The following ARHGEF11 variants were observed in gnomAD, a reference collection of about 807,000 sequenced individuals.
ARHGEF11 encodes Rho guanine nucleotide exchange factor 11, also known as Rho guanine exchange factor (GEF) 11.
A neutral mutation model predicts 193.7 loss-of-function variants in ARHGEF11; 55 were observed. The observed-to-expected ratio is 0.28, with a 90% CI of 0.23 to 0.36. ARHGEF11 has a LOEUF of 0.36. ARHGEF11 is among the 10% of genes least tolerant of loss of function. The pLI is 1.00. For missense variants in ARHGEF11, 1,723 were observed against 2,005.6 expected, an observed-to-expected ratio of 0.86 and a Z score of 2.69; for synonymous variants, 693 against 768.0, an observed-to-expected ratio of 0.90 and a Z score of 1.62.
At chr1:156,996,153 C>A (rs371045546) in intron 1 of ARHGEF11, among the ~76,000 whole-genome samples, 2 of 152,220 alleles carry the variant, frequency 1.3e-5, no homozygotes, top group East Asian at 3.9e-4. Flanking sequence ...TGGACTTAGG[C>A]GGAGAGTACC....
At chr1:156,999,594 C>A (rs1666963361) in intron 1 of ARHGEF11, among the ~76,000 whole-genome samples, 1 of 152,158 alleles carries the variant, frequency 6.6e-6, no homozygotes, top group African/African-American at 2.4e-5. Flanking sequence ...ACAACAGACA[C>A]CATCACCAAC....
Position 156,941,727 on chromosome 1 carries a change from C to T in ARHGEF11, c.3452+137G>A, listed in dbSNP as rs1656994937. 3.0e-6 allele frequency: 4 copies of T among 1,313,892 alleles called. No homozygotes were observed. In the Admixed American group the frequency reaches 9.0e-5, roughly 29 times the overall value. 81.4% of individuals were successfully genotyped at this position (1,313,892 alleles called of 1,614,324 possible). ...GGGGGCATGTTCCTCCATCTGCCAG[C>T]ACTTGGAGCTGTCTGCTCCCTGCTA... is the stretch of plus-strand genomic sequence containing the variant. On this transcript the variant is annotated intron_variant, in intron 34 of 40. Coordinates refer to ENST00000368194, the MANE Select transcript of ARHGEF11 (RefSeq NM_198236.3).
intron 1 of ARHGEF11, among the ~76,000 whole-genome samples, chr1:157,018,210 T>C: frequency 6.6e-6 from 1 of 152,164 alleles, no homozygotes; most frequent in South Asian, 2.1e-4. Flanking sequence ...AAATACATGG[T>C]ATTTATAGAC....
chr1:157,005,840 C>T (rs1301326557), intron 1 of ARHGEF11, among the ~76,000 whole-genome samples: 1 of 152,180 alleles, frequency 6.6e-6, no homozygotes, highest in African/African-American at 2.4e-5. Context: ...TTAAAGGGCA[C>T]TTGTTTTGAC....
intron 28 of ARHGEF11, among the ~76,000 whole-genome samples, 196 bp downstream of exon 28, chr1:156,946,466 C>T (rs1412798080): frequency 6.6e-6 from 1 of 152,216 alleles, no homozygotes. Context: ...AGGCCTCTGA[C>T]TGCTAATCCA....
At chr1:156,955,001 C>A in intron 20 of ARHGEF11, 80 bp from the exon 21 acceptor site, 1 of 1,309,360 alleles carries the variant, frequency 7.6e-7, no homozygotes, top group South Asian at 1.3e-5. Context: ...AAAATTACAT[C>A]AAGCCAAAAA....
intron 21 of ARHGEF11, among the ~76,000 whole-genome samples, chr1:156,954,380 C>CAAAAAAAAAAAAAAAAAAAAAA (rs559848711): frequency 1.3e-5 from 1 of 75,148 alleles, no homozygotes; most frequent in Non-Finnish European, 2.5e-5. Flanking sequence ...ACTGTGTCTC[C>CAAAAAAAAAAAAAAAAAAAAAA]AAAAAAAAAA....
Position 156,936,935 on chromosome 1 carries a change from A to G in ARHGEF11, c.4511T>C (p.Val1504Ala). 1 of 1,613,968 alleles carries G rather than the reference A, an allele frequency of 6.2e-7. No individual in the cohort carries two copies. The highest frequency in any genetic ancestry group is 1.3e-5 in the African/African-American group (1 of 74,972). ...GGESSGGTTP[V>A]GSFHTEAARW... ...AGCTGCTTCTGTGTGGAAACTGCCC[A>G]CAGGCGTGGTGCCACCAGATGACTC... is the stretch of plus-strand genomic sequence containing the variant. The change falls in exon 40 of 41, where the codon GTG becomes GCG. Residue 1504 changes from valine to alanine, a missense_variant. Transcript: ENST00000368194.
chr1:157,043,226 C>T (rs1672972359), intron 1 of ARHGEF11, among the ~76,000 whole-genome samples: 1 of 152,186 alleles, frequency 6.6e-6, no homozygotes, highest in Non-Finnish European at 1.5e-5. Context: ...AATATTCTTC[C>T]CTATCTCTCC....
At chr1:156,966,440 G>A (rs1217723621) in intron 11 of ARHGEF11, among the ~76,000 whole-genome samples, 1 of 152,146 alleles carries the variant, frequency 6.6e-6, no homozygotes, top group Non-Finnish European at 1.5e-5. Flanking sequence ...CATGCTATTA[G>A]ATTCTACTTC....
At chr1:156,959,910 T>C (rs919170494) in intron 15 of ARHGEF11, among the ~76,000 whole-genome samples, 13 of 132,718 alleles carry the variant, frequency 9.8e-5, no homozygotes, top group Non-Finnish European at 1.7e-4. Context: ...AGGGAACTTA[T>C]AAAAACAAAA....
rs898707138 is a variant in ARHGEF11 at position 156,988,181 on chromosome 1, T to C, written c.33-2008A>G. On this transcript the variant is annotated intron_variant, in intron 1 of 40. Transcript: ENST00000368194. ...CTCAAATACCCAACTGAAAATGCGC[T>C]GTTCACTTGTCTGTAAAGCCGTACA... 2.0e-5 allele frequency among the ~76,000 whole-genome samples: 3 copies of C among 152,188 alleles called. 1 individual carries two copies.
At chr1:156,977,895 T>C (rs1286474007) in intron 6 of ARHGEF11, among the ~76,000 whole-genome samples, 1 of 152,224 alleles carries the variant, frequency 6.6e-6, no homozygotes, top group Non-Finnish European at 1.5e-5. Context: ...GCCTGAAGTG[T>C]ACACTCTCTC....
In ARHGEF11 at chr1:156,956,509, G is replaced by C. The variant is rs1308512612; in HGVS notation, c.1582C>G (p.Arg528Gly). ...TYMSHAGIRL[R>G]EARPSNTAEK... ...GCTGTGTTGGAAGGTCGTGCCTCTCGAAGACGGATCCCAGCATGGCTCATG... is the reference window on the plus strand; with the variant it reads ...GCTGTGTTGGAAGGTCGTGCCTCTCCAAGACGGATCCCAGCATGGCTCATG... Residue 528 changes from arginine to glycine, a missense_variant, in exon 19 of 41, where the codon CGA becomes GGA. Coordinates refer to ENST00000368194, the MANE Select transcript of ARHGEF11 (RefSeq NM_198236.3). 4 of 1,614,140 alleles carry C rather than the reference G, an allele frequency of 2.5e-6. No homozygotes were observed. Among genetic ancestry groups the C allele is most frequent in the Admixed American group, 3.3e-5 (2 of 60,026 alleles).
chr1:156,961,877 A>G lies in ARHGEF11; in HGVS notation c.1141-102T>C, dbSNP rs568510544. 5 of 999,092 alleles carry G rather than the reference A, an allele frequency of 5.0e-6. No individual in the cohort carries two copies. The Admixed American group carries it at 9.7e-5, about 19-fold the overall frequency. The allele number at this position is 999,092 out of a possible 1,614,324, so 61.9% of individuals were successfully genotyped here. On this transcript the variant is annotated intron_variant, in intron 13 of 40. Coordinates refer to ENST00000368194, the MANE Select transcript of ARHGEF11 (RefSeq NM_198236.3). ...ATGTCTGGAGACATTTTTAGTTGTT[A>G]CAACTACTGGGCAAGTGCGGTGCTA...
At chr1:156,943,752 C>T (rs1657562386) in intron 32 of ARHGEF11, among the ~76,000 whole-genome samples, 183 bp downstream of exon 32, 1 of 152,196 alleles carries the variant, frequency 6.6e-6, no homozygotes, top group Non-Finnish European at 1.5e-5. Flanking sequence ...TGGTCCCCAT[C>T]CTAACCCTCA....
intron 1 of ARHGEF11, among the ~76,000 whole-genome samples, chr1:157,008,380 A>G (rs1252712061): frequency 7.1e-6 from 1 of 140,700 alleles, no homozygotes; most frequent in African/African-American, 2.7e-5. Flanking sequence ...CCTTCTAAGA[A>G]GAGACATCAG....
intron 3 of ARHGEF11, among the ~76,000 whole-genome samples, chr1:156,982,386 T>G (rs184206815): frequency 6.6e-6 from 1 of 152,310 alleles, no homozygotes; most frequent in African/African-American, 2.4e-5. Context: ...TAGGTGATTC[T>G]AATACAGGCA....
Position 156,942,672 on chromosome 1 carries a change from C to A in ARHGEF11, c.3326+18G>T. 1 of 1,610,042 alleles carries A rather than the reference C, an allele frequency of 6.2e-7. No individual in the cohort carries two copies. The highest frequency in any genetic ancestry group is 1.3e-5 in the African/African-American group (1 of 74,958). ...GAAAGGGACCACAGTTACGGGTAAC[C>A]CCTCAATCAATTCTCACGTGTTCTT... On this transcript the variant is annotated intron_variant, in intron 33 of 40. Coordinates refer to ENST00000368194, the MANE Select transcript of ARHGEF11 (RefSeq NM_198236.3).
Sources: gnomAD v4.1 joint callset for allele counts (sites outside exome capture counted in the v4.1 genomes callset) on GRCh38, gnomAD v4.1.1 for gene constraint, MANE v1.5 for transcripts, NCBI Gene and HGNC (gene_info 2026-07-23, HGNC 2026-07-21) for gene names.